The following CNTLN variants were observed in gnomAD, a reference collection of about 807,000 sequenced individuals.
The protein encoded by CNTLN is centlein, centrosomal protein.
Under a neutral mutation model 180.0 loss-of-function variants are expected in CNTLN, and 212 were observed. That is an observed-to-expected ratio of 1.18 (90% CI 1.05 to 1.32). CNTLN has a LOEUF of 1.32. Ranked by LOEUF, CNTLN falls within the 40% of genes most tolerant of loss-of-function variation. The pLI is 0.00. For missense variants in CNTLN, 2,095 were observed against 1,610.9 expected (o/e 1.30, Z -5.14); for synonymous variants, 722 against 563.1 (o/e 1.28, Z -3.99).
intron 2 of CNTLN, among the ~76,000 whole-genome samples, chr9:17,177,075 CTTT>C (rs1409021158): frequency 6.6e-6 from 1 of 151,980 alleles, no homozygotes; most frequent in East Asian, 1.9e-4. Flanking sequence ...TTGATTTCTG[CTTT>C]TTATTATTTC....
intron 12 of CNTLN, among the ~76,000 whole-genome samples, chr9:17,355,354 C>T (rs1223468036): frequency 2.0e-5 from 3 of 152,202 alleles, no homozygotes; most frequent in Non-Finnish European, 2.9e-5. Flanking sequence ...AGATGTTAGA[C>T]ATTTGCAAGA....
rs536602807 is a variant in CNTLN at position 17,349,150 on chromosome 9, C to A, written c.1886+6706C>A. Among the ~76,000 whole-genome samples, 27 of 152,246 alleles carry A rather than the reference C, an allele frequency of 1.8e-4. No homozygotes were observed. In the South Asian group the frequency reaches 5.0e-3, roughly 28 times the overall value. Reference sequence around the variant, plus strand: ...CTCCTGAGCTCCCTATTCTATCCTTCTTCTTTTCCCTACTTTTCAAAGTCT... The same window carrying A: ...CTCCTGAGCTCCCTATTCTATCCTTATTCTTTTCCCTACTTTTCAAAGTCT... On this transcript the variant is annotated intron_variant, in intron 12 of 25. Transcript: ENST00000380647.
intron 5 of CNTLN, among the ~76,000 whole-genome samples, chr9:17,254,644 T>C (rs1587352734): frequency 6.6e-6 from 1 of 151,632 alleles, no homozygotes; most frequent in Non-Finnish European, 1.5e-5. Flanking sequence ...CTATTTTTCA[T>C]TGGTCTGTAT....
intron 18 of CNTLN, among the ~76,000 whole-genome samples, chr9:17,418,847 A>G (rs966936613): frequency 6.6e-6 from 1 of 152,076 alleles, no homozygotes; most frequent in African/African-American, 2.4e-5. Flanking sequence ...AACTTTTCAA[A>G]GACTTTCAAC....
At chr9:17,244,216 TTG>T (rs1240233632) in intron 5 of CNTLN, among the ~76,000 whole-genome samples, 4,428 of 92,708 alleles carry the variant, frequency 0.048, 183 homozygotes, top group East Asian at 0.23. Flanking sequence ...GTTTTTGTTT[TTG>T]TTTTTTTTTT....
chr9:17,384,414 C>T (rs368970874), intron 13 of CNTLN, among the ~76,000 whole-genome samples: 6 of 151,948 alleles, frequency 3.9e-5, no homozygotes, highest in Admixed American at 2.0e-4. Context: ...GGCTAATTGT[C>T]TTTGAATTTT....
chr9:17,198,964 A>G (rs780275321), intron 2 of CNTLN, among the ~76,000 whole-genome samples: 1 of 152,094 alleles, frequency 6.6e-6, no homozygotes, highest in Non-Finnish European at 1.5e-5. Context: ...AGTCTTTGCT[A>G]TTGTAAATAA....
intron 15 of CNTLN, among the ~76,000 whole-genome samples, chr9:17,406,549 AG>A (rs1261248993): frequency 6.6e-6 from 1 of 151,798 alleles, no homozygotes; most frequent in African/African-American, 2.4e-5. Context: ...TTCAGATTTC[AG>A]CCTGCCACCA....
chr9:17,302,113 CACACACAG>C lies in CNTLN; in HGVS notation c.1146+3769_1146+3776del, dbSNP rs1288749204. The C allele has an allele frequency of 1.8e-3, 1,387 of 753,924 alleles. 10 individuals are homozygous for C. The African/African-American group carries it at 0.037, about 20-fold the overall frequency. 46.7% of individuals were successfully genotyped at this position (753,924 alleles called of 1,614,324 possible). A position where few individuals can be genotyped will look rare whatever the true frequency, so the allele number is the denominator to read the frequency against. ...GTACACACACACACACACACACACA[CACACACAG>C]ACACACACACACTGACCTATCCACC... On this transcript the variant is annotated intron_variant, in intron 7 of 25. Transcript: ENST00000380647.
intron 19 of CNTLN, among the ~76,000 whole-genome samples, chr9:17,460,976 CAA>C (rs1422165379): frequency 6.6e-6 from 1 of 150,858 alleles, no homozygotes; most frequent in Non-Finnish European, 1.5e-5. Flanking sequence ...AAATTACAAA[CAA>C]AAGATTGACA....
chr9:17,525,050 C>G, the CNTLN span, among the ~76,000 whole-genome samples: 2 of 152,116 alleles, frequency 1.3e-5, no homozygotes, highest in Non-Finnish European at 2.9e-5. Context: ...TACACAATAA[C>G]ATAGACATTG....
chr9:17,299,870 A>G, intron 7 of CNTLN: 1 of 871,152 alleles, frequency 1.1e-6, no homozygotes, highest in Non-Finnish European at 1.4e-6. Context: ...CTTGGCTTCC[A>G]TTGTACTATA....
intron 13 of CNTLN, among the ~76,000 whole-genome samples, chr9:17,373,600 T>C (rs895458235): frequency 1.3e-5 from 2 of 152,004 alleles, no homozygotes; most frequent in Non-Finnish European, 2.9e-5. Flanking sequence ...AAAATACCAA[T>C]GACATTCTTC....
chr9:17,348,719 T>TG (rs1822124391), intron 12 of CNTLN, among the ~76,000 whole-genome samples: 2 of 151,910 alleles, frequency 1.3e-5, no homozygotes, highest in South Asian at 4.2e-4. Flanking sequence ...TCTGTAGAGA[T>TG]GGGGTTTCAC....
chr9:17,272,417 T>A (rs1272241474), intron 5 of CNTLN, among the ~76,000 whole-genome samples: 4 of 152,100 alleles, frequency 2.6e-5, no homozygotes, highest in Non-Finnish European at 5.9e-5. Flanking sequence ...TGACTCTGTT[T>A]TTGAAGGTTA....
At position 17,290,573 on chromosome 9, in the gene CNTLN, G is replaced by A. The variant is rs10963008; in HGVS notation, c.984-7617G>A. Among the ~76,000 whole-genome samples the A allele has an allele frequency of 3.5e-4, 43 of 122,696 alleles. 4 individuals are homozygous for A. Among genetic ancestry groups the A allele is most frequent in the Non-Finnish European group, 7.2e-4 (39 of 54,082 alleles). 80.5% of individuals were successfully genotyped at this position (122,696 alleles called of 152,430 possible). ...TTCCTGGCTGCTTTGTTTACCTAAG[G>A]AAGCCTGGGCAATGGCGGGCGCCCC... is the stretch of plus-strand genomic sequence containing the variant. On this transcript the variant is annotated intron_variant, in intron 6 of 25. Transcript: ENST00000380647.
intron 8 of CNTLN, among the ~76,000 whole-genome samples, chr9:17,313,582 C>G (rs1329852159): frequency 6.6e-6 from 1 of 152,024 alleles, no homozygotes; most frequent in East Asian, 1.9e-4. Flanking sequence ...AGCATTTAAA[C>G]TATGATGTTC....
intron 18 of CNTLN, among the ~76,000 whole-genome samples, chr9:17,445,153 G>GA (rs1159809860): frequency 6.6e-6 from 1 of 151,860 alleles, no homozygotes; most frequent in Non-Finnish European, 1.5e-5. Context: ...ACAGGGAATA[G>GA]AAAAAAACAT....
intron 18 of CNTLN, among the ~76,000 whole-genome samples, chr9:17,451,198 TA>T (rs1473455142): frequency 6.6e-6 from 1 of 152,144 alleles, no homozygotes; most frequent in Non-Finnish European, 1.5e-5. Flanking sequence ...GGTGACTTTC[TA>T]GGGAGTTCTT....
Sources: gnomAD v4.1 joint callset for allele counts (sites outside exome capture counted in the v4.1 genomes callset) on GRCh38, gnomAD v4.1.1 for gene constraint, MANE v1.5 for transcripts, NCBI Gene and HGNC (gene_info 2026-07-23, HGNC 2026-07-21) for gene names.